Variants in USP26 observed in about 807,000 individuals in gnomAD.
USP26 encodes ubiquitin specific peptidase 26.
For synonymous variants in USP26, 236 were observed against 240.6 expected (o/e 0.98, Z 0.18); for missense variants, 649 against 642.3 (o/e 1.01, Z -0.11).
chrX:133,088,840 A>T (rs1376359225), intron 4 of USP26, among the ~76,000 whole-genome samples: 1 of 111,925 alleles, frequency 8.9e-6, no homozygotes, highest in African/African-American at 3.2e-5. Context: ...AGTTATAGTT[A>T]GGATTCACTC....
chrX:133,073,984 C>T lies in USP26; in HGVS notation c.-77+9723G>A, dbSNP rs1185041031. Among the ~76,000 whole-genome samples, 3 of 111,288 alleles carry T rather than the reference C, an allele frequency of 2.7e-5. No individual in the cohort carries two copies. The Admixed American group carries it at 2.9e-4, about 11-fold the overall frequency. On this transcript the variant is annotated intron_variant, in intron 5 of 5. Coordinates refer to ENST00000511190, the MANE Select transcript of USP26 (RefSeq NM_031907.3). ...CTGAAAAAAAGAGATAATGTACTGC[C>T]TTTATAACTATCAACTTCCTGGAAG...
chrX:133,080,631 G>A (rs1424572021), intron 5 of USP26, among the ~76,000 whole-genome samples: 1 of 111,241 alleles, frequency 9.0e-6, no homozygotes, highest in East Asian at 2.8e-4. Context: ...AAAAGGCAGG[G>A]CCAGCAAACC....
chrX:133,095,108 A>AAAAAAAAAG (rs1556000598), intron 1 of USP26, among the ~76,000 whole-genome samples: 1 of 102,811 alleles, frequency 9.7e-6, no homozygotes. Context: ...AAAAAAAAAA[A>AAAAAAAAAG]AAAGAAAGAA....
At chrX:133,035,391 AC>A (rs1416432422) in intron 5 of USP26, among the ~76,000 whole-genome samples, 1 of 111,819 alleles carries the variant, frequency 8.9e-6, no homozygotes, top group Non-Finnish European at 1.9e-5. Context: ...TTAGCTGGAG[AC>A]CTCACCTTAT....
At chrX:133,083,335 C>T (rs1388855854) in intron 5 of USP26, among the ~76,000 whole-genome samples, 1 of 112,071 alleles carries the variant, frequency 8.9e-6, no homozygotes, top group Non-Finnish European at 1.9e-5. Context: ...CAATTGGTAG[C>T]TGGACAGTGT....
intron 5 of USP26, among the ~76,000 whole-genome samples, chrX:133,046,912 T>C (rs1330886153): frequency 8.9e-6 from 1 of 112,024 alleles, no homozygotes; most frequent in Non-Finnish European, 1.9e-5. Flanking sequence ...TTTTAGTGAT[T>C]TTTATGTGAT....
chrX:133,036,244 G>A (rs2067395578), intron 5 of USP26, among the ~76,000 whole-genome samples: 1 of 110,303 alleles, frequency 9.1e-6, no homozygotes, highest in Non-Finnish European at 1.9e-5. Flanking sequence ...TGCCATGGTC[G>A]TTTGCTACAC....
chrX:133,037,246 G>A (rs763208053), intron 5 of USP26, among the ~76,000 whole-genome samples: 17 of 111,931 alleles, frequency 1.5e-4, no homozygotes, highest in Non-Finnish European at 2.6e-4. Context: ...TGAAGTCTTC[G>A]CCCATACCTA....
Position 133,025,075 on chromosome X carries a change from T to C in USP26, c.*404A>G, listed in dbSNP as rs2067339726. 1 of 160,596 alleles carries C rather than the reference T, an allele frequency of 6.2e-6. No homozygotes were observed. Among genetic ancestry groups the C allele is most frequent in the Non-Finnish European group, 1.2e-5 (1 of 85,541 alleles). The allele number at this position is 160,596 out of a possible 1,213,427, so 13.2% of individuals were successfully genotyped here. A position where few individuals can be genotyped will look rare whatever the true frequency, so the allele number is the denominator to read the frequency against. The stretch of plus-strand genomic sequence containing the variant: ...AGCTAGGCCTGGTGGCACACATCTA[T>C]AGTCCCATCTCAAGCAAGAAGATAA... On this transcript the variant is annotated 3_prime_UTR_variant, in exon 6 of 6. Transcript: ENST00000511190.
chrX:133,091,213 C>T (rs906076517), intron 2 of USP26, 140 bp downstream of exon 2: 2 of 112,069 alleles, frequency 1.8e-5, no homozygotes, highest in African/African-American at 6.5e-5. Flanking sequence ...TTCAGGAACC[C>T]TAGCAAATAA....
intron 5 of USP26, among the ~76,000 whole-genome samples, chrX:133,038,103 C>T (rs2067402558): frequency 9.0e-6 from 1 of 111,631 alleles, no homozygotes; most frequent in African/African-American, 3.3e-5. Context: ...ACAATCATGT[C>T]TGCAAACAGA....
At chrX:133,065,845 A>G (rs1173622376) in intron 5 of USP26, among the ~76,000 whole-genome samples, 1 of 112,089 alleles carries the variant, frequency 8.9e-6, no homozygotes, top group Non-Finnish European at 1.9e-5. Context: ...CACCACTTCT[A>G]TTCAACATAG....
Position 133,072,312 on chromosome X carries a change from T to TGCATGC in USP26, c.-77+11389_-77+11394dup, listed in dbSNP as rs2067533075. On this transcript the variant is annotated intron_variant, in intron 5 of 5. Transcript: ENST00000511190. ...ACCCTGTTCTGTGTGCATGTGTGTA[T>TGCATGC]GCATGCGCATGCACGGCACACGAAA... Among the ~76,000 whole-genome samples the TGCATGC allele has an allele frequency of 8.9e-5, 10 of 112,277 alleles. No individual in the cohort carries two copies. The South Asian group carries it at 3.7e-3, about 41-fold the overall frequency.
chrX:133,059,792 G>A (rs904697326), intron 5 of USP26, among the ~76,000 whole-genome samples: 7 of 111,704 alleles, frequency 6.3e-5, no homozygotes, highest in Admixed American at 4.8e-4. Context: ...TTTAACAGAA[G>A]CTTGCTTACC....
At chrX:133,074,680 C>T (rs2067541806) in intron 5 of USP26, among the ~76,000 whole-genome samples, 1 of 112,340 alleles carries the variant, frequency 8.9e-6, no homozygotes. Flanking sequence ...TGGTATTTCT[C>T]TCATCAGTTC....
intron 4 of USP26, among the ~76,000 whole-genome samples, chrX:133,088,267 T>A (rs2067596309): frequency 9.0e-6 from 1 of 111,516 alleles, no homozygotes. Flanking sequence ...ATCAGTTTTG[T>A]GGAAGACAAA....
intron 4 of USP26, among the ~76,000 whole-genome samples, chrX:133,084,744 A>AT (rs2067583134): frequency 9.1e-6 from 1 of 109,891 alleles, no homozygotes; most frequent in Non-Finnish European, 1.9e-5. Flanking sequence ...TTTATTTTTA[A>AT]TTTTTTTATT....
chrX:133,049,251 A>G (rs1269933715), intron 5 of USP26, among the ~76,000 whole-genome samples: 3 of 112,161 alleles, frequency 2.7e-5, no homozygotes, highest in Non-Finnish European at 5.6e-5. Flanking sequence ...TTGGGTCACA[A>G]AAAAAACTTG....
At chrX:133,093,764 T>C (rs1311971539) in intron 1 of USP26, among the ~76,000 whole-genome samples, 1 of 110,011 alleles carries the variant, frequency 9.1e-6, no homozygotes, top group Non-Finnish European at 1.9e-5. Flanking sequence ...GTGGATCACT[T>C]AAACCCAGGA....
Sources: allele counts gnomAD v4.1 joint callset (sites outside exome capture counted in the v4.1 genomes callset), GRCh38; gene constraint gnomAD v4.1.1; transcripts MANE v1.5; gene names NCBI Gene and HGNC (gene_info 2026-07-23, HGNC 2026-07-21).